Variants in KCNQ5 observed in about 807,000 individuals in gnomAD.
KCNQ5 encodes the protein potassium voltage-gated channel subfamily Q member 5, also known as potassium voltage-gated channel subfamily KQT member 5.
A neutral mutation model predicts 98.2 loss-of-function variants in KCNQ5; 30 were observed. The ratio of observed to expected loss-of-function variants is 0.31; its 90% CI spans 0.23 to 0.41. The LOEUF (loss-of-function observed/expected upper bound fraction) is 0.41, where lower values mean the gene tolerates loss of function less well. Ranked by LOEUF, KCNQ5 falls within the 10% of genes least tolerant of loss-of-function variation. The pLI is 1.00. For synonymous variants in KCNQ5, 458 were observed against 449.4 expected (o/e 1.02, Z -0.24); for missense variants, 835 against 1,182.5 (o/e 0.71, Z 4.31).
chr6:72,646,170 C>T (rs1052671416), intron 1 of KCNQ5, among the ~76,000 whole-genome samples: 2 of 152,094 alleles, frequency 1.3e-5, no homozygotes, highest in Non-Finnish European at 2.9e-5. Context: ...GGGTTTCTGA[C>T]AGCAGGATCC....
intron 1 of KCNQ5, among the ~76,000 whole-genome samples, chr6:72,983,530 T>C (rs1443071465): frequency 6.6e-6 from 1 of 152,202 alleles, no homozygotes. Context: ...ATCAGGTCAT[T>C]TAAGGTCTTC....
intron 1 of KCNQ5, among the ~76,000 whole-genome samples, chr6:72,678,050 A>G (rs1767507604): frequency 6.6e-6 from 1 of 152,228 alleles, no homozygotes; most frequent in South Asian, 2.1e-4. Context: ...GCCTGTTAGC[A>G]TAAAGGATGA....
chr6:72,720,185 A>T (rs921062533), intron 1 of KCNQ5, among the ~76,000 whole-genome samples: 1 of 152,148 alleles, frequency 6.6e-6, no homozygotes, highest in African/African-American at 2.4e-5. Flanking sequence ...TAGTTTTAGT[A>T]TCATCTCCGT....
chr6:73,143,577 G>A (rs1187173299), intron 10 of KCNQ5: 3 of 152,222 alleles, frequency 2.0e-5, no homozygotes, highest in Non-Finnish European at 4.4e-5. Context: ...ACCATTGTGA[G>A]GTTTATGTGT....
intron 1 of KCNQ5, among the ~76,000 whole-genome samples, chr6:72,679,180 A>G (rs1767566596): frequency 6.6e-6 from 1 of 152,164 alleles, no homozygotes; most frequent in Admixed American, 6.5e-5. Context: ...CTACCATACA[A>G]TTCACTCTTT....
chr6:72,683,211 C>G (rs773200229), intron 1 of KCNQ5, among the ~76,000 whole-genome samples: 1 of 152,024 alleles, frequency 6.6e-6, no homozygotes, highest in African/African-American at 2.4e-5. Flanking sequence ...CAAAGCCAAG[C>G]CTTTGCTGTC....
In KCNQ5 at chr6:72,740,225, G is replaced by T. The variant is rs1000354818; in HGVS notation, c.398+117638G>T. Among the ~76,000 whole-genome samples, 4 of 152,136 alleles carry T rather than the reference G, an allele frequency of 2.6e-5. No individual in the cohort carries two copies. In the East Asian group the frequency reaches 5.8e-4, roughly 22 times the overall value. On this transcript the variant is annotated intron_variant, in intron 1 of 13. Coordinates refer to ENST00000370398, the MANE Select transcript of KCNQ5 (RefSeq NM_019842.4). ...TTTACTAAGTACTTCTTATTTGCCA[G>T]TTTAAAGCATTGGAAGTAAGAGACA...
rs758999586 is a variant in KCNQ5, at chr6:73,194,676, C to A, written c.2061C>A (p.Gly687=). 4.1e-5 allele frequency: 66 copies of A among 1,614,126 alleles called. No homozygotes were observed. Among genetic ancestry groups the A allele is most frequent in the Middle Eastern group, 3.3e-4 (2 of 6,082 alleles). Residue 687 remains glycine (G), a synonymous_variant, in exon 14 of 14, where the codon GGC becomes GGA. Coordinates refer to ENST00000370398, the MANE Select transcript of KCNQ5 (RefSeq NM_019842.4). ...SRSTSANISR[G]LQFILTPNEF... is the part of the protein sequence containing the mutation. ...CAACTAGTGCCAACATCTCGAGAGG[C>A]CTGCAGTTCATTCTGACGCCAAATG...
At chr6:73,026,746 C>T (rs932164785) in intron 2 of KCNQ5, among the ~76,000 whole-genome samples, 4 of 151,900 alleles carry the variant, frequency 2.6e-5, no homozygotes, top group East Asian at 1.9e-4. Context: ...AGAGTTAAAG[C>T]GATTTCTGTG....
intron 1 of KCNQ5, among the ~76,000 whole-genome samples, chr6:72,783,978 G>A (rs896163485): frequency 3.9e-5 from 6 of 152,174 alleles, no homozygotes; most frequent in African/African-American, 1.4e-4. Context: ...AGCCCAAAAA[G>A]AACTGAAATA....
intron 3 of KCNQ5, among the ~76,000 whole-genome samples, chr6:73,043,549 C>G (rs1771818019): frequency 6.6e-6 from 1 of 152,146 alleles, no homozygotes; most frequent in Admixed American, 6.6e-5. Context: ...ACTCAGGCAG[C>G]ATTACAAAGG....
intron 4 of KCNQ5, 127 bp downstream of exon 4, chr6:73,077,624 C>T (rs1437121962): frequency 7.1e-6 from 9 of 1,267,604 alleles, no homozygotes; most frequent in African/African-American, 4.5e-5. Context: ...AATTTTGGGA[C>T]ATGATGTACA....
chr6:72,726,086 GA>G (rs1390685105), intron 1 of KCNQ5, among the ~76,000 whole-genome samples: 1 of 127,140 alleles, frequency 7.9e-6, no homozygotes, highest in Non-Finnish European at 1.6e-5. Context: ...CATTATCTAA[GA>G]AAAAAATTGA....
intron 2 of KCNQ5, among the ~76,000 whole-genome samples, chr6:73,008,342 A>C (rs140654379): frequency 4.6e-5 from 7 of 152,178 alleles, no homozygotes; most frequent in Non-Finnish European, 8.8e-5. Flanking sequence ...TACATCATTC[A>C]ACTGTGTATA....
chr6:72,828,851 T>C (rs951030287), intron 1 of KCNQ5, among the ~76,000 whole-genome samples: 8 of 152,118 alleles, frequency 5.3e-5, no homozygotes, highest in Non-Finnish European at 1.2e-4. Flanking sequence ...CTTCCTATTC[T>C]AGTTCTTAGA....
chr6:72,953,382 G>A (rs1324672977), intron 1 of KCNQ5, among the ~76,000 whole-genome samples: 1 of 152,202 alleles, frequency 6.6e-6, no homozygotes, highest in Non-Finnish European at 1.5e-5. Context: ...CTCACTGAAT[G>A]TGATAAAGCC....
chr6:72,853,904 G>T (rs1777407774), intron 1 of KCNQ5, among the ~76,000 whole-genome samples: 1 of 152,060 alleles, frequency 6.6e-6, no homozygotes, highest in East Asian at 1.9e-4. Flanking sequence ...TGTATAGTTG[G>T]ATTATTATTA....
chr6:72,878,299 G>C (rs1778502191), intron 1 of KCNQ5, among the ~76,000 whole-genome samples: 1 of 152,032 alleles, frequency 6.6e-6, no homozygotes, highest in Non-Finnish European at 1.5e-5. Context: ...AAAATCCATA[G>C]ATGCCTTTGC....
chr6:73,128,806 A>T (rs1216952405), intron 9 of KCNQ5, among the ~76,000 whole-genome samples: 1 of 152,204 alleles, frequency 6.6e-6, no homozygotes, highest in Non-Finnish European at 1.5e-5. Context: ...TGTTGTAAAG[A>T]TGCATGTCTT....
Sources: gnomAD v4.1 joint callset for allele counts (sites outside exome capture counted in the v4.1 genomes callset) on GRCh38, gnomAD v4.1.1 for gene constraint, MANE v1.5 for transcripts, NCBI Gene and HGNC (gene_info 2026-07-23, HGNC 2026-07-21) for gene names.